The following MUC4 variants were observed in gnomAD, a reference collection of about 807,000 sequenced individuals.
MUC4 encodes the protein mucin-4.
In MUC4, 202 loss-of-function variants were observed where a neutral mutation model predicts 257.9. The ratio of observed to expected loss-of-function variants is 0.78; its 90% CI spans 0.70 to 0.88. The LOEUF (loss-of-function observed/expected upper bound fraction) is 0.88, where lower values mean the gene tolerates loss of function less well. Among genes scored for constraint, MUC4 ranks in the 40% least tolerant of loss-of-function variants. The pLI, the probability that MUC4 is intolerant of heterozygous loss-of-function variation, is 0.00. For missense variants in MUC4, 5,976 were observed against 6,513.7 expected, an observed-to-expected ratio of 0.92 and a Z score of 2.84; for synonymous variants, 2,351 against 2,757.1, an observed-to-expected ratio of 0.85 and a Z score of 4.62.
chr3:195,774,745 C>G (rs2148880708), intron 3 of MUC4, among the ~76,000 whole-genome samples: 1 of 151,758 alleles, frequency 6.6e-6, no homozygotes, highest in Non-Finnish European at 1.5e-5. Context: ...ACTTAAAATA[C>G]AAAAATTAGC....
chr3:195,799,260 T>TGTGTGTGTGTGTGTGTGAGAGA (rs1553889795), intron 1 of MUC4, among the ~76,000 whole-genome samples: 4 of 149,228 alleles, frequency 2.7e-5, no homozygotes, highest in Admixed American at 1.3e-4. Flanking sequence ...TGTGTGTGTG[T>TGTGTGTGTGTGTGTGTGAGAGA]GACACTGTGT....
chr3:195,781,547 C>A lies in MUC4; in HGVS notation c.10033G>T (p.Val3345Leu). ...ACTGAGGAAGTGTCGGTGACAGGCA[C>A]AGGGGTGGTGTCACCTGTGGATGCT... ...SSASTGDTTP[V>L]PVTDTSSVST... Residue 3345 changes from valine to leucine, a missense_variant, in exon 2 of 25, where the codon GTG becomes TTG. By Grantham distance (32) the Val-to-Leu change is conservative. This residue lies in a region of MUC4 where 72 missense variants were observed against 33.5 expected (regional missense o/e 2.15). Transcript: ENST00000463781. The A allele has an allele frequency of 3.5e-6, 4 of 1,142,156 alleles. No homozygotes were observed. The highest frequency in any genetic ancestry group is 3.5e-5 in the East Asian group (1 of 28,384). 70.8% of individuals were successfully genotyped at this position (1,142,156 alleles called of 1,614,324 possible).
At chr3:195,761,340 T>G (rs935519969) in intron 15 of MUC4, 144 bp downstream of exon 15, 2 of 759,338 alleles carry the variant, frequency 2.6e-6, no homozygotes, top group Admixed American at 2.6e-5. Context: ...GGGCTGGTGG[T>G]GGTGGGGACA....
chr3:195,784,508 C>CTGGTGACAGGAAGAGGG lies in MUC4; in HGVS notation c.7071_7072insCCCTCTTCCTGTCACCA (p.Ala2358ProfsTer652), dbSNP rs1730340477. The CTGGTGACAGGAAGAGGG allele has an allele frequency of 1.3e-6, 1 of 770,842 alleles. No homozygotes were observed. The highest frequency in any genetic ancestry group is 1.6e-6 in the Non-Finnish European group (1 of 630,254). The allele number at this position is 770,842 out of a possible 1,614,324, so 47.8% of individuals were successfully genotyped here. ...GTGTCACCTGTGGATACTGAGGAAG[C>CTGGTGACAGGAAGAGGG]GTCGGTGACATGAAGAGGGGTGGCG... On this transcript the variant is annotated frameshift_variant, in exon 2 of 25. Coordinates refer to ENST00000463781, the MANE Select transcript of MUC4 (RefSeq NM_018406.7). LOFTEE classifies it high-confidence loss of function.
At position 195,810,355 on chromosome 3, in the gene MUC4, ACT is replaced by A. The variant is rs1736543942; in HGVS notation, c.82+1379_82+1380del. On this transcript the variant is annotated intron_variant, in intron 1 of 24. Transcript: ENST00000463781. This position sits in a 1 kb window ranked among gnomAD's most constrained non-coding sequence, Gnocchi z 4.2. ...GCTGAGAGGCAGGGCAGGAGCTGAG[ACT>A]CTAACCCCAGCTTGAACTCTGGACC... 1 of 152,222 alleles carries A rather than the reference ACT, an allele frequency of 6.6e-6. No homozygotes were observed. Among genetic ancestry groups the A allele is most frequent in the Non-Finnish European group, 1.5e-5 (1 of 68,124 alleles). 9.4% of individuals were successfully genotyped at this position (152,222 alleles called of 1,614,324 possible).
At chr3:195,770,427 G>T in intron 5 of MUC4, 56 bp from the exon 6 acceptor site, 1 of 1,601,312 alleles carries the variant, frequency 6.2e-7, no homozygotes. Context: ...CCTACACATG[G>T]GCCCCCCACT....
chr3:195,747,756 C>G (rs1577901798), intron 24 of MUC4, among the ~76,000 whole-genome samples: 1 of 152,270 alleles, frequency 6.6e-6, no homozygotes, highest in Non-Finnish European at 1.5e-5. Context: ...CCCAGCTACT[C>G]AGGAGGCTGA....
At chr3:195,796,552 A>T (rs1369041535) in intron 1 of MUC4, among the ~76,000 whole-genome samples, 1 of 151,618 alleles carries the variant, frequency 6.6e-6, no homozygotes, top group African/African-American at 2.4e-5. Context: ...TTAGCTGGGC[A>T]TGGTGGCAGG....
At chr3:195,767,556 T>TCACCATCACCATCACCACC (rs1560261676) in intron 7 of MUC4, among the ~76,000 whole-genome samples, 1 of 22,400 alleles carries the variant, frequency 4.5e-5, no homozygotes, top group Non-Finnish European at 7.4e-5. Context: ...CCATCACCAT[T>TCACCATCACCATCACCACC]ACCATTGCCA....
intron 13 of MUC4, among the ~76,000 whole-genome samples, 187 bp from the exon 14 acceptor site, chr3:195,762,441 C>G (rs1440819384): frequency 6.6e-6 from 1 of 152,084 alleles, no homozygotes; most frequent in African/African-American, 2.4e-5. Context: ...GCTGCGCTCT[C>G]TTGGCCCTGC....
chr3:195,748,786 C>A, intron 24 of MUC4, 116 bp downstream of exon 24: 1 of 1,333,200 alleles, frequency 7.5e-7, no homozygotes, highest in South Asian at 1.7e-5. Flanking sequence ...CCACTGTCCT[C>A]TCTTCCCTGG....
At chr3:195,752,295 C>T (rs1315503616) in intron 21 of MUC4, 78 bp downstream of exon 21, 25 of 1,291,198 alleles carry the variant, frequency 1.9e-5, no homozygotes, top group East Asian at 1.8e-4. Context: ...AAGATGAAGG[C>T]CGCACAGCGA....
chr3:195,789,586 G>A lies in MUC4; in HGVS notation c.1994C>T (p.Thr665Ile). 1 of 1,613,940 alleles carries A rather than the reference G, an allele frequency of 6.2e-7. No homozygotes were observed. The highest frequency in any genetic ancestry group is 8.5e-7 in the Non-Finnish European group (1 of 1,179,870). ...GGCTGTGAAGGAAGAACCTGGGGTG[G>A]TGACTGTCTTGGTGTCAGTCATGGG... is the stretch of plus-strand genomic sequence containing the variant. The part of the protein sequence containing the change: ...VSPMTDTKTV[T>I]TPGSSFTASG... Residue 665 changes from threonine to isoleucine, a missense_variant, in exon 2 of 25, where the codon ACC becomes ATC. Around this residue, in one of 44 missense-constraint regions of MUC4, gnomAD observed 1,583 missense variants for 1,257.4 expected, o/e 1.26. Coordinates refer to ENST00000463781, the MANE Select transcript of MUC4 (RefSeq NM_018406.7).
At chr3:195,806,322 G>C (rs62282510) in intron 1 of MUC4, among the ~76,000 whole-genome samples, 25,796 of 152,036 alleles carry the variant, frequency 0.17, 2,376 homozygotes, top group African/African-American at 0.22. Context: ...GCTCCCCGCA[G>C]AACGGTTCCT....
intron 1 of MUC4, among the ~76,000 whole-genome samples, chr3:195,798,053 G>T (rs1734780002): frequency 6.6e-6 from 1 of 152,158 alleles, no homozygotes; most frequent in Non-Finnish European, 1.5e-5. Flanking sequence ...AAGAGTTCGA[G>T]GCTGCAGTGA....
chr3:195,754,079 C>T, intron 19 of MUC4, 134 bp downstream of exon 19: 3 of 1,255,744 alleles, frequency 2.4e-6, no homozygotes, highest in African/African-American at 1.5e-5. Context: ...CCTAGATTTC[C>T]CACACCTGCC....
chr3:195,780,025 C>G lies in MUC4; in HGVS notation c.11555G>C (p.Gly3852Ala). Residue 3852 changes from glycine to alanine, a missense_variant, in exon 2 of 25, where the codon GGT (glycine) becomes GCT (alanine). Gly to Ala is a moderately conservative substitution (Grantham distance 60). This residue lies in a region of MUC4 where 330 missense variants were observed against 262.0 expected (regional missense o/e 1.26). Coordinates refer to ENST00000463781, the MANE Select transcript of MUC4 (RefSeq NM_018406.7). ...AGTGACAGGAAGAGGCATGGTGTCACCTGTGGATACTGAGGAAGGGATGGT... is the reference window on the plus strand; with the variant it reads ...AGTGACAGGAAGAGGCATGGTGTCAGCTGTGGATACTGAGGAAGGGATGGT... ...PVTIPSSVSTGDTMPLPVTSP... is the reference protein window; with the variant it reads ...PVTIPSSVSTADTMPLPVTSP... The G allele has an allele frequency of 1.4e-6, 1 of 734,888 alleles. No individual in the cohort carries two copies. Among genetic ancestry groups the G allele is most frequent in the Non-Finnish European group, 1.7e-6 (1 of 577,056 alleles). The allele number at this position is 734,888 out of a possible 1,614,324, so 45.5% of individuals were successfully genotyped here. A position where few individuals can be genotyped will look rare whatever the true frequency, so the allele number is the denominator to read the frequency against.
chr3:195,775,007 A>G (rs1469052302), intron 3 of MUC4, among the ~76,000 whole-genome samples: 8 of 152,054 alleles, frequency 5.3e-5, no homozygotes, highest in Non-Finnish European at 8.8e-5. Context: ...CTTTCTCCAG[A>G]TAAACTTGAA....
rs201499581 is a variant in MUC4, at chr3:195,779,059, C to G, written c.12521G>C (p.Gly4174Ala). ...AGTGCTGGTGACAGGAAGAGGGGTGCCGTGACCTGTGGACACTGAGGAAGC... is the reference window on the plus strand; with the variant it reads ...AGTGCTGGTGACAGGAAGAGGGGTGGCGTGACCTGTGGACACTGAGGAAGC... ...TDASSVSTGH[G>A]TPLPVTSTSS... Residue 4174 changes from glycine to alanine, a missense_variant, in exon 2 of 25, where the codon GGC (glycine) becomes GCC (alanine). By Grantham distance (60) the Gly-to-Ala change is moderately conservative. This residue lies in a region of MUC4 where 293 missense variants were observed against 294.5 expected (regional missense o/e 1.00). Transcript: ENST00000463781. 25,102 of 558,448 alleles carry G rather than the reference C, an allele frequency of 0.045. 7,014 individuals carry two copies. The highest frequency in any genetic ancestry group is 0.27 in the East Asian group (1,579 of 5,822). 34.6% of individuals were successfully genotyped at this position (558,448 alleles called of 1,614,324 possible).
Sources: gnomAD v4.1 joint callset for allele counts (sites outside exome capture counted in the v4.1 genomes callset) on GRCh38, gnomAD v4.1.1 for gene constraint, gnomAD v4.1.1 regional missense constraint, Gnocchi (gnomAD v3.1) non-coding constraint, MANE v1.5 for transcripts, NCBI Gene and HGNC (gene_info 2026-07-23, HGNC 2026-07-21) for gene names.